ME3: variants seen among roughly 807,000 people sequenced by gnomAD.
The protein encoded by ME3 is NADP-dependent malic enzyme, mitochondrial.
A neutral mutation model predicts 68.9 loss-of-function variants in ME3; 48 were observed. The ratio of observed to expected loss-of-function variants is 0.70; its 90% CI spans 0.55 to 0.89. The LOEUF (loss-of-function observed/expected upper bound fraction) is 0.89. Among genes scored for constraint, ME3 ranks in the 40% least tolerant of loss-of-function variants. The probability of loss-of-function intolerance (pLI) is 0.00; values close to 1 mark genes in which losing one functional copy is unlikely to be tolerated. For missense variants in ME3, 675 were observed against 797.4 expected (o/e 0.85, Z 1.85); for synonymous variants, 320 against 318.8 (o/e 1.00, Z -0.04).
chr11:86,647,134 C>T (rs1415312370), intron 2 of ME3, among the ~76,000 whole-genome samples: 2 of 152,182 alleles, frequency 1.3e-5, no homozygotes, highest in Non-Finnish European at 2.9e-5. Context: ...TGTGAAGAAA[C>T]TGCATCAACT....
At chr11:86,613,726 A>G (rs906677115) in intron 2 of ME3, among the ~76,000 whole-genome samples, 2 of 152,194 alleles carry the variant, frequency 1.3e-5, no homozygotes, top group South Asian at 2.1e-4. Context: ...CCATTGCTAC[A>G]AAGAGAATAA....
intron 8 of ME3, among the ~76,000 whole-genome samples, chr11:86,459,048 A>ATC (rs1950094727): frequency 6.6e-6 from 1 of 152,178 alleles, no homozygotes; most frequent in Non-Finnish European, 1.5e-5. Flanking sequence ...CCTGGGGAAG[A>ATC]GTGGGATCAT....
rs946607632 is a variant in ME3 at position 86,488,179 on chromosome 11, CA to C, written c.706-740del. Among the ~76,000 whole-genome samples the C allele has an allele frequency of 8.7e-5, 13 of 149,356 alleles. 1 individual carries two copies. Among genetic ancestry groups the C allele is most frequent in the African/African-American group, 3.2e-4 (13 of 40,588 alleles). On this transcript the variant is annotated intron_variant, in intron 6 of 14. Transcript: ENST00000543262. ...TGGGCAACAGAATGAGACCCTGTCT[CA>C]AAAAAAAAGAAGAAAAAATGAATGT...
chr11:86,635,133 C>T (rs1463110377), intron 2 of ME3, among the ~76,000 whole-genome samples: 1 of 152,124 alleles, frequency 6.6e-6, no homozygotes, highest in Non-Finnish European at 1.5e-5. Context: ...GATGAAATCC[C>T]TACAAAAATT....
At chr11:86,453,276 A>G (rs1949736100) in intron 8 of ME3, among the ~76,000 whole-genome samples, 1 of 152,244 alleles carries the variant, frequency 6.6e-6, no homozygotes, top group Non-Finnish European at 1.5e-5. Flanking sequence ...CTGGGATTAC[A>G]GGCGTTAGCC....
chr11:86,669,525 C>T (rs1464505062), intron 2 of ME3, among the ~76,000 whole-genome samples: 1 of 152,170 alleles, frequency 6.6e-6, no homozygotes, highest in Non-Finnish European at 1.5e-5. Flanking sequence ...AGAATGAGCG[C>T]TAGCAGGGGA....
chr11:86,551,291 T>C (rs988910249), intron 4 of ME3, among the ~76,000 whole-genome samples: 3 of 152,158 alleles, frequency 2.0e-5, no homozygotes, highest in African/African-American at 4.8e-5. Context: ...AGCTTGGAGC[T>C]GTGGAGTAGC....
intron 7 of ME3, among the ~76,000 whole-genome samples, chr11:86,477,157 T>C (rs1042788231): frequency 6.6e-6 from 1 of 152,204 alleles, no homozygotes; most frequent in Non-Finnish European, 1.5e-5. Context: ...AGGAGGAAAC[T>C]GAGGCACAGA....
intron 2 of ME3, among the ~76,000 whole-genome samples, chr11:86,647,399 G>A (rs1945089034): frequency 1.3e-5 from 2 of 151,794 alleles, no homozygotes; most frequent in South Asian, 4.2e-4. Context: ...GCAGGAGAAT[G>A]GCATGAACCT....
chr11:86,487,607 G>A (rs1951772002), intron 6 of ME3, among the ~76,000 whole-genome samples, 167 bp from the exon 7 acceptor site: 1 of 152,134 alleles, frequency 6.6e-6, no homozygotes, highest in African/African-American at 2.4e-5. Context: ...GAAAGGGTCT[G>A]GAGGCTAAGC....
intron 2 of ME3, among the ~76,000 whole-genome samples, chr11:86,667,113 T>C (rs1251981353): frequency 6.6e-6 from 1 of 152,220 alleles, no homozygotes; most frequent in East Asian, 1.9e-4. Context: ...CAAGTCCACC[T>C]GGGAAGGCCA....
chr11:86,595,332 G>GAGAGAGAGAGAGA (rs1565186315), intron 2 of ME3, among the ~76,000 whole-genome samples: 1 of 134,348 alleles, frequency 7.4e-6, no homozygotes, highest in African/African-American at 2.8e-5. Context: ...GAGAGAGAGA[G>GAGAGAGAGAGAGA]CTTATTATGT....
chr11:86,605,269 G>A (rs1250742483), intron 2 of ME3, among the ~76,000 whole-genome samples: 2 of 152,094 alleles, frequency 1.3e-5, no homozygotes, highest in Non-Finnish European at 1.5e-5. Flanking sequence ...CAAGACCCCA[G>A]GCCTACTGTG....
intron 2 of ME3, among the ~76,000 whole-genome samples, chr11:86,617,382 G>T (rs759465877): frequency 6.6e-6 from 1 of 151,924 alleles, no homozygotes; most frequent in Admixed American, 6.6e-5. Context: ...ACTAAGTCTC[G>T]TTTAAAAGTT....
chr11:86,575,788 C>T lies in ME3; in HGVS notation c.184-15965G>A, dbSNP rs141072856. On this transcript the variant is annotated intron_variant, in intron 2 of 14. Transcript: ENST00000543262. ...ACTTGGTCTTATTCATTTTTGCAAC[C>T]GCAATACAATGCTAGTACATAGGTA... Among the ~76,000 whole-genome samples, 148 of 152,254 alleles carry T rather than the reference C, an allele frequency of 9.7e-4. 2 individuals carry two copies. The highest frequency in any genetic ancestry group is 3.3e-3 in the African/African-American group (139 of 41,544).
chr11:86,650,918 T>C (rs1945366914), intron 2 of ME3, among the ~76,000 whole-genome samples: 1 of 152,116 alleles, frequency 6.6e-6, no homozygotes, highest in African/African-American at 2.4e-5. Context: ...TTTCCAACGG[T>C]CTTAGCCAAC....
At chr11:86,608,860 T>C in intron 2 of ME3, among the ~76,000 whole-genome samples, 1 of 152,224 alleles carries the variant, frequency 6.6e-6, no homozygotes, top group East Asian at 1.9e-4. Flanking sequence ...ATGAAGAAAG[T>C]AAAAATTCCA....
intron 2 of ME3, among the ~76,000 whole-genome samples, chr11:86,601,996 C>T (rs1209466237): frequency 6.9e-6 from 1 of 145,716 alleles, no homozygotes; most frequent in Non-Finnish European, 1.5e-5. Context: ...CAGCCAATAT[C>T]ATACTGAATG....
intron 2 of ME3, among the ~76,000 whole-genome samples, chr11:86,606,727 G>T (rs1488778104): frequency 6.6e-6 from 1 of 152,222 alleles, no homozygotes; most frequent in East Asian, 1.9e-4. Context: ...GAAAAGTGGA[G>T]GAATTTCAGT....
Sources: allele counts gnomAD v4.1 joint callset (sites outside exome capture counted in the v4.1 genomes callset), GRCh38; gene constraint gnomAD v4.1.1; transcripts MANE v1.5; gene names NCBI Gene and HGNC (gene_info 2026-07-23, HGNC 2026-07-21).